Variants in PEX5L observed in about 807,000 individuals in gnomAD.
The protein encoded by PEX5L is peroxisomal biogenesis factor 5 like.
In PEX5L, 30 loss-of-function variants were observed where a neutral mutation model predicts 84.0. The ratio of observed to expected loss-of-function variants is 0.36; its 90% CI spans 0.27 to 0.48. PEX5L has a LOEUF of 0.48. Among genes scored for constraint, PEX5L ranks in the 20% least tolerant of loss-of-function variants. PEX5L has a pLI of 0.99. For missense variants in PEX5L, 533 were observed against 754.6 expected (o/e 0.71, Z 3.44); for synonymous variants, 270 against 283.1 (o/e 0.95, Z 0.46).
At chr3:179,986,190 G>A (rs1039807420) in intron 1 of PEX5L, among the ~76,000 whole-genome samples, 4 of 145,398 alleles carry the variant, frequency 2.8e-5, no homozygotes, top group African/African-American at 1.0e-4. Flanking sequence ...ATAACTTTAT[G>A]TTTATGCAAT....
At chr3:180,010,409 G>T (rs1034679095) in intron 1 of PEX5L, among the ~76,000 whole-genome samples, 1 of 151,812 alleles carries the variant, frequency 6.6e-6, no homozygotes. Context: ...GGCATCTAGT[G>T]GGTAGACAAC....
At chr3:180,014,718 G>A (rs1018380710) in intron 1 of PEX5L, among the ~76,000 whole-genome samples, 17 of 152,008 alleles carry the variant, frequency 1.1e-4, no homozygotes, top group Admixed American at 4.6e-4. Context: ...TATTTTATAT[G>A]TATAATACTA....
intron 9 of PEX5L, among the ~76,000 whole-genome samples, chr3:179,817,372 C>T (rs115050631): frequency 0.03 from 4,622 of 152,226 alleles, 92 homozygotes; most frequent in Non-Finnish European, 0.042. Flanking sequence ...AAATTATTCC[C>T]ATGGATAGGC....
At chr3:179,820,049 T>G in intron 8 of PEX5L, 73 bp from the exon 9 acceptor site, 9 of 1,589,698 alleles carry the variant, frequency 5.7e-6, no homozygotes, top group Non-Finnish European at 7.7e-6. Flanking sequence ...CTTCCCCCCC[T>G]AATAGATAAA....
intron 7 of PEX5L, among the ~76,000 whole-genome samples, chr3:179,861,547 T>G (rs1223072144): frequency 6.6e-6 from 1 of 152,206 alleles, no homozygotes; most frequent in Non-Finnish European, 1.5e-5. Flanking sequence ...GGGGTACCTC[T>G]GGGCTTGCAG....
chr3:179,999,597 T>C (rs1003816074), intron 1 of PEX5L, among the ~76,000 whole-genome samples: 2 of 152,300 alleles, frequency 1.3e-5, no homozygotes, highest in African/African-American at 2.4e-5. Flanking sequence ...TCTTCCATCA[T>C]AGAAAGGGCA....
At chr3:179,898,580 G>A (rs111994111) in intron 2 of PEX5L, among the ~76,000 whole-genome samples, 16 of 152,000 alleles carry the variant, frequency 1.1e-4, no homozygotes, top group African/African-American at 1.7e-4. Flanking sequence ...TGCCTGCTAC[G>A]TTCATTTATA....
chr3:179,841,161 T>A (rs1737121993), intron 8 of PEX5L, among the ~76,000 whole-genome samples: 1 of 152,210 alleles, frequency 6.6e-6, no homozygotes, highest in Admixed American at 6.5e-5. Flanking sequence ...CATACCAGTC[T>A]GCTGACGAAA....
chr3:179,924,158 A>C (rs1311171171), intron 2 of PEX5L, among the ~76,000 whole-genome samples: 4 of 152,212 alleles, frequency 2.6e-5, no homozygotes, highest in African/African-American at 9.6e-5. Flanking sequence ...GACCTAGACC[A>C]CTTCTGTGAC....
In PEX5L at chr3:179,799,231, T is replaced by C. The variant is rs1275329858; in HGVS notation, c.*2597A>G. The C allele has an allele frequency of 6.6e-6, 1 of 152,206 alleles. No homozygotes were observed. The highest frequency in any genetic ancestry group is 1.9e-4 in the East Asian group (1 of 5,202). The allele number at this position is 152,206 out of a possible 1,614,324, so 9.4% of individuals were successfully genotyped here. Reference sequence around the variant, plus strand: ...CCGCACCTGGCCTGTCACTCATGTTTTAATAATGGTTTTAACTTAATTTTA... The same window carrying C: ...CCGCACCTGGCCTGTCACTCATGTTCTAATAATGGTTTTAACTTAATTTTA... On this transcript the variant is annotated 3_prime_UTR_variant, in exon 15 of 15. Transcript: ENST00000467460.
chr3:179,896,941 G>A (rs1211225412), intron 3 of PEX5L, among the ~76,000 whole-genome samples: 1 of 152,084 alleles, frequency 6.6e-6, no homozygotes, highest in African/African-American at 2.4e-5. Flanking sequence ...ATTACCATGT[G>A]TTATTAGGAA....
chr3:180,000,558 A>G (rs2110418678), intron 1 of PEX5L, among the ~76,000 whole-genome samples: 1 of 152,302 alleles, frequency 6.6e-6, no homozygotes. Context: ...TGGGTAGCAG[A>G]AGGAGGTAGT....
intron 10 of PEX5L, among the ~76,000 whole-genome samples, chr3:179,813,125 G>A (rs1249148023): frequency 1.3e-5 from 2 of 151,978 alleles, no homozygotes; most frequent in African/African-American, 2.4e-5. Flanking sequence ...ATATATCTTA[G>A]AATGCTTCTT....
chr3:179,909,988 T>C (rs1424127686), intron 2 of PEX5L, among the ~76,000 whole-genome samples: 1 of 152,212 alleles, frequency 6.6e-6, no homozygotes, highest in Admixed American at 6.5e-5. Context: ...GAAGCCCTAG[T>C]AAACTAAACA....
intron 1 of PEX5L, among the ~76,000 whole-genome samples, chr3:180,006,453 T>C (rs545692257): frequency 2.8e-4 from 42 of 152,122 alleles, no homozygotes; most frequent in Non-Finnish European, 4.0e-4. Flanking sequence ...AAGAGAAACA[T>C]ACCTATTGCT....
At chr3:179,957,741 C>T (rs1162979985) in intron 2 of PEX5L, among the ~76,000 whole-genome samples, 2 of 152,128 alleles carry the variant, frequency 1.3e-5, no homozygotes, top group Non-Finnish European at 2.9e-5. Context: ...AATTCTAATG[C>T]AAAGTAAGGA....
At chr3:179,839,285 T>C (rs1186600224) in intron 8 of PEX5L, among the ~76,000 whole-genome samples, 1 of 152,238 alleles carries the variant, frequency 6.6e-6, no homozygotes, top group African/African-American at 2.4e-5. Flanking sequence ...TAGGCTTTTA[T>C]ACTGTTTTCT....
intron 3 of PEX5L, among the ~76,000 whole-genome samples, chr3:179,893,202 C>T (rs920224737): frequency 1.3e-5 from 2 of 152,084 alleles, no homozygotes; most frequent in Non-Finnish European, 2.9e-5. Context: ...TACCATATCA[C>T]CAAACTGCTT....
intron 14 of PEX5L, among the ~76,000 whole-genome samples, chr3:179,807,415 A>C (rs1459337090): frequency 6.6e-6 from 1 of 152,152 alleles, no homozygotes; most frequent in East Asian, 1.9e-4. Flanking sequence ...CTGAATCAAA[A>C]TCTCAGGGGC....
Sources: allele counts gnomAD v4.1 joint callset (sites outside exome capture counted in the v4.1 genomes callset), GRCh38; gene constraint gnomAD v4.1.1; transcripts MANE v1.5; gene names NCBI Gene and HGNC (gene_info 2026-07-23, HGNC 2026-07-21).